The following PABPC4L variants were observed in gnomAD, a reference collection of about 807,000 sequenced individuals.
PABPC4L encodes the protein polyadenylate-binding protein 4-like.
For missense variants in PABPC4L, 452 were observed against 451.4 expected (o/e 1.00, Z -0.01); for synonymous variants, 169 against 164.1 (o/e 1.03, Z -0.23).
At chr4:134,044,292 C>T in the PABPC4L span, among the ~76,000 whole-genome samples, 1 of 151,486 alleles carries the variant, frequency 6.6e-6, no homozygotes, top group Non-Finnish European at 1.5e-5. Context: ...TTGAGAGAGT[C>T]TCACTCTGTC....
the PABPC4L span, among the ~76,000 whole-genome samples, chr4:133,983,326 A>G: frequency 1.3e-5 from 2 of 151,942 alleles, no homozygotes; most frequent in Non-Finnish European, 2.9e-5. Context: ...TGTCATATGC[A>G]AAATGTCTCA....
At chr4:133,991,211 A>G in the PABPC4L span, among the ~76,000 whole-genome samples, 1 of 152,110 alleles carries the variant, frequency 6.6e-6, no homozygotes. Flanking sequence ...TCCAAGAGAG[A>G]TGTTCTCTCA....
chr4:133,970,549 T>C, the PABPC4L span, among the ~76,000 whole-genome samples: 3 of 152,208 alleles, frequency 2.0e-5, no homozygotes, highest in African/African-American at 7.2e-5. Context: ...AATGTTATTT[T>C]TCCCTCTTTC....
chr4:134,196,994 T>C lies in PABPC4L; in HGVS notation c.*2913A>G, dbSNP rs964752847. 2 of 151,744 alleles carry C rather than the reference T, an allele frequency of 1.3e-5. No homozygotes were observed. The highest frequency in any genetic ancestry group is 2.4e-5 in the African/African-American group (1 of 41,432). 9.4% of individuals were successfully genotyped at this position (151,744 alleles called of 1,614,324 possible). ...ATCTTGAAAGATTATGTAAGCATTA[T>C]CAAATATTGTTCAAATATTTGAACA... On this transcript the variant is annotated 3_prime_UTR_variant, in exon 2 of 2. Coordinates refer to ENST00000421491, the MANE Select transcript of PABPC4L (RefSeq NM_001114734.2).
chr4:134,020,087 GT>G, the PABPC4L span, among the ~76,000 whole-genome samples: 1 of 152,060 alleles, frequency 6.6e-6, no homozygotes, highest in Non-Finnish European at 1.5e-5. Context: ...AACAACTACT[GT>G]TACAGGAAAG....
the PABPC4L span, among the ~76,000 whole-genome samples, chr4:134,111,211 T>A: frequency 6.6e-6 from 1 of 151,938 alleles, no homozygotes; most frequent in African/African-American, 2.4e-5. Context: ...AGGGGCAAAC[T>A]CCCTTCACTA....
chr4:133,980,583 C>T, the PABPC4L span, among the ~76,000 whole-genome samples: 1 of 152,022 alleles, frequency 6.6e-6, no homozygotes, highest in Non-Finnish European at 1.5e-5. Context: ...ACTGGCTTGT[C>T]CAATAGCTAT....
chr4:134,113,431 T>G, the PABPC4L span, among the ~76,000 whole-genome samples: 1 of 151,962 alleles, frequency 6.6e-6, no homozygotes, highest in East Asian at 1.9e-4. Flanking sequence ...ACAAACACCA[T>G]TGTGTTATAA....
chr4:133,994,619 A>G, the PABPC4L span, among the ~76,000 whole-genome samples: 1 of 152,038 alleles, frequency 6.6e-6, no homozygotes, highest in Non-Finnish European at 1.5e-5. Flanking sequence ...TGTGTCCAAT[A>G]AGCAATTTTA....
At chr4:134,097,647 T>A in the PABPC4L span, among the ~76,000 whole-genome samples, 1 of 151,884 alleles carries the variant, frequency 6.6e-6, no homozygotes, top group African/African-American at 2.4e-5. Flanking sequence ...AATGCTTGAG[T>A]GCCTGTCAGG....
At chr4:134,071,270 C>T in the PABPC4L span, among the ~76,000 whole-genome samples, 1 of 152,032 alleles carries the variant, frequency 6.6e-6, no homozygotes, top group Admixed American at 6.6e-5. Context: ...TCATCTGTGT[C>T]CTCCCTCTGT....
the PABPC4L span, among the ~76,000 whole-genome samples, chr4:134,032,371 A>T: frequency 1.3e-5 from 2 of 151,926 alleles, no homozygotes; most frequent in African/African-American, 4.8e-5. Flanking sequence ...AGTGAGGAGA[A>T]GCAGGGAGAG....
the PABPC4L span, among the ~76,000 whole-genome samples, chr4:134,100,874 C>A: frequency 1.3e-5 from 2 of 151,310 alleles, no homozygotes; most frequent in African/African-American, 4.8e-5. Context: ...GAAGATAAAA[C>A]CTTATAATAG....
chr4:134,126,050 T>C, the PABPC4L span, among the ~76,000 whole-genome samples: 1 of 152,140 alleles, frequency 6.6e-6, no homozygotes, highest in Non-Finnish European at 1.5e-5. Flanking sequence ...TATTTGATAT[T>C]TGTAGGACTT....
the PABPC4L span, among the ~76,000 whole-genome samples, chr4:134,108,864 T>G: frequency 6.6e-6 from 1 of 151,944 alleles, no homozygotes; most frequent in Non-Finnish European, 1.5e-5. Flanking sequence ...CATTTTTATA[T>G]AGGTATTTAT....
chr4:134,093,852 G>A, the PABPC4L span, among the ~76,000 whole-genome samples: 3 of 151,264 alleles, frequency 2.0e-5, no homozygotes, highest in East Asian at 2.0e-4. Context: ...TATTTTGAAA[G>A]CCTCAGAAGC....
the PABPC4L span, among the ~76,000 whole-genome samples, chr4:134,038,566 A>G: frequency 2.0e-5 from 3 of 152,152 alleles, no homozygotes; most frequent in Non-Finnish European, 4.4e-5. Context: ...GTATGTGTCC[A>G]GGAATTTATC....
At chr4:134,041,146 C>T in the PABPC4L span, among the ~76,000 whole-genome samples, 1 of 152,122 alleles carries the variant, frequency 6.6e-6, no homozygotes, top group Non-Finnish European at 1.5e-5. Flanking sequence ...TTAGGTCAAT[C>T]ATTGTGGAAG....
the PABPC4L span, among the ~76,000 whole-genome samples, chr4:133,967,272 A>G: frequency 6.6e-6 from 1 of 152,218 alleles, no homozygotes; most frequent in African/African-American, 2.4e-5. Flanking sequence ...GACGCTCAAG[A>G]CCAGTCTCAG....
Sources: allele counts gnomAD v4.1 joint callset (sites outside exome capture counted in the v4.1 genomes callset), GRCh38; gene constraint gnomAD v4.1.1; transcripts MANE v1.5; gene names NCBI Gene and HGNC (gene_info 2026-07-23, HGNC 2026-07-21).